Variants in BCL2L13 observed in about 807,000 individuals in gnomAD.
The protein encoded by BCL2L13 is BCL2 like 13.
Under a neutral mutation model 25.8 loss-of-function variants are expected in BCL2L13, and 13 were observed. The observed-to-expected ratio is 0.50, with a 90% CI of 0.33 to 0.80. The LOEUF (loss-of-function observed/expected upper bound fraction) is 0.80. BCL2L13 is among the 30% of genes least tolerant of loss of function. The probability of loss-of-function intolerance (pLI) is 0.02; values close to 1 mark genes in which losing one functional copy is unlikely to be tolerated. For missense variants in BCL2L13, 504 were observed against 574.9 expected, an observed-to-expected ratio of 0.88 and a Z score of 1.26; for synonymous variants, 244 against 230.3, an observed-to-expected ratio of 1.06 and a Z score of -0.54.
intron 6 of BCL2L13, among the ~76,000 whole-genome samples, chr22:17,718,403 G>C (rs1023901663): frequency 1.3e-5 from 2 of 152,218 alleles, no homozygotes; most frequent in African/African-American, 4.8e-5. Flanking sequence ...ATAGTCTTCA[G>C]TACGACAAGC....
At chr22:17,631,470 T>C (rs2058012013) in intron 1 of BCL2L13, among the ~76,000 whole-genome samples, 1 of 151,532 alleles carries the variant, frequency 6.6e-6, no homozygotes, top group African/African-American at 2.4e-5. Context: ...ACATGTGTGA[T>C]ATTGTGTCCT....
Position 17,689,112 on chromosome 22 carries a change from T to TC in BCL2L13, c.358dup (p.His120ProfsTer2), listed in dbSNP as rs1303754511. 1 of 1,614,008 alleles carries TC rather than the reference T, an allele frequency of 6.2e-7. No homozygotes were observed. Among genetic ancestry groups the TC allele is most frequent in the Non-Finnish European group, 8.5e-7 (1 of 1,180,016 alleles). On this transcript the variant is annotated frameshift_variant, in exon 4 of 7. Transcript: ENST00000317582. LOFTEE classifies it high-confidence loss of function. ...GTGTCCCAGGAACTGAAAGAGCCTC[T>TC]CCATAAAGCATTGCAAATGCTCCTG... is the stretch of plus-strand genomic sequence containing the variant.
At chr22:17,685,754 CTTTTTCTTTTTTT>C (rs1340542295) in intron 3 of BCL2L13, among the ~76,000 whole-genome samples, 13 of 54,004 alleles carry the variant, frequency 2.4e-4, no homozygotes, top group African/African-American at 8.2e-4. Flanking sequence ...ATAATTTTTT[CTTTTTCTTTTTTT>C]TTTTTTTTTT....
chr22:17,711,979 G>C (rs2060775441), intron 6 of BCL2L13, among the ~76,000 whole-genome samples: 1 of 151,638 alleles, frequency 6.6e-6, no homozygotes, highest in African/African-American at 2.4e-5. Flanking sequence ...CTTGTCTCCA[G>C]GTAACTCAAG....
chr22:17,643,902 G>A (rs556764275), intron 1 of BCL2L13, among the ~76,000 whole-genome samples: 2 of 145,272 alleles, frequency 1.4e-5, no homozygotes, highest in Admixed American at 6.8e-5. Context: ...CGTGAGCCAC[G>A]GCGCCCGGCC....
intron 2 of BCL2L13, among the ~76,000 whole-genome samples, chr22:17,681,233 G>A (rs1356121224): frequency 1.3e-5 from 2 of 152,052 alleles, no homozygotes; most frequent in East Asian, 1.9e-4. Flanking sequence ...TGGGCTGGGC[G>A]CAGTGGCTCA....
chr22:17,726,025 C>T (rs947193851), intron 6 of BCL2L13, among the ~76,000 whole-genome samples: 1 of 151,898 alleles, frequency 6.6e-6, no homozygotes, highest in Admixed American at 6.6e-5. Context: ...TGGAATTTTC[C>T]ACTTGTGATG....
chr22:17,676,876 A>T (rs1229916614), intron 2 of BCL2L13, among the ~76,000 whole-genome samples: 1 of 152,228 alleles, frequency 6.6e-6, no homozygotes, highest in Admixed American at 6.5e-5. Context: ...TTGGCATAGG[A>T]TCTTTCTAGG....
chr22:17,696,016 A>G, intron 4 of BCL2L13, 125 bp from the exon 5 acceptor site: 8 of 683,424 alleles, frequency 1.2e-5, no homozygotes, highest in Non-Finnish European at 2.1e-5. Context: ...TGTACAAAAC[A>G]GTATGTTGAA....
chr22:17,639,721 C>T (rs2058200716), intron 1 of BCL2L13, among the ~76,000 whole-genome samples: 1 of 152,102 alleles, frequency 6.6e-6, no homozygotes, highest in Non-Finnish European at 1.5e-5. Flanking sequence ...GTTGTTGTTG[C>T]GTAAAACAAA....
chr22:17,681,622 A>G (rs9618093), intron 2 of BCL2L13, among the ~76,000 whole-genome samples: 2,901 of 152,256 alleles, frequency 0.019, 89 homozygotes, highest in African/African-American at 0.067. Flanking sequence ...AGGAGGGGCC[A>G]TTATTTTATT....
chr22:17,670,554 A>G (rs1167976925), intron 2 of BCL2L13, among the ~76,000 whole-genome samples: 1 of 151,836 alleles, frequency 6.6e-6, no homozygotes, highest in Non-Finnish European at 1.5e-5. Flanking sequence ...TTGTGTTCTT[A>G]GTAGAGATGG....
At chr22:17,662,619 C>T (rs941484456) in intron 2 of BCL2L13, among the ~76,000 whole-genome samples, 3 of 152,092 alleles carry the variant, frequency 2.0e-5, no homozygotes, top group Admixed American at 2.0e-4. Context: ...CCCAGGAATT[C>T]GAGACCAGCC....
At chr22:17,631,699 TA>T (rs2146340315) in intron 1 of BCL2L13, among the ~76,000 whole-genome samples, 1 of 31,354 alleles carries the variant, frequency 3.2e-5, no homozygotes, top group Non-Finnish European at 7.9e-5. Flanking sequence ...TATATATATA[TA>T]TATATATTTT....
intron 1 of BCL2L13, among the ~76,000 whole-genome samples, chr22:17,639,636 A>G (rs1222161885): frequency 6.6e-6 from 1 of 152,128 alleles, no homozygotes; most frequent in Non-Finnish European, 1.5e-5. Context: ...TGTTTATTCA[A>G]AATAGCTATC....
intron 1 of BCL2L13, among the ~76,000 whole-genome samples, chr22:17,651,807 C>T (rs912496120): frequency 6.6e-6 from 1 of 152,152 alleles, no homozygotes; most frequent in Non-Finnish European, 1.5e-5. Context: ...TCTCCTGCCT[C>T]AGCCTCCTGA....
chr22:17,650,537 TGCTGCAAA>T (rs946257141), intron 1 of BCL2L13, among the ~76,000 whole-genome samples: 1 of 152,166 alleles, frequency 6.6e-6, no homozygotes, highest in African/African-American at 2.4e-5. Flanking sequence ...TGAGAATCAC[TGCTGCAAA>T]GAAGACTGAA....
intron 4 of BCL2L13, among the ~76,000 whole-genome samples, chr22:17,693,892 C>T (rs1297403279): frequency 6.6e-6 from 1 of 152,044 alleles, no homozygotes; most frequent in Non-Finnish European, 1.5e-5. Context: ...CGAGTGCCAC[C>T]ACACCAGGCT....
intron 2 of BCL2L13, among the ~76,000 whole-genome samples, chr22:17,657,166 C>T (rs2058901642): frequency 6.6e-6 from 1 of 151,902 alleles, no homozygotes; most frequent in African/African-American, 2.4e-5. Context: ...CAAACTTAAA[C>T]ACATCTTAGT....
Sources: gnomAD v4.1 joint callset for allele counts (sites outside exome capture counted in the v4.1 genomes callset) on GRCh38, gnomAD v4.1.1 for gene constraint, MANE v1.5 for transcripts, NCBI Gene and HGNC (gene_info 2026-07-23, HGNC 2026-07-21) for gene names.